The following FHDC1 variants were observed in gnomAD, a reference collection of about 807,000 sequenced individuals.
The protein encoded by FHDC1 is FH2 domain-containing protein 1.
Under a neutral mutation model 52.6 loss-of-function variants are expected in FHDC1, and 25 were observed. That is an observed-to-expected ratio of 0.48 (90% CI 0.35 to 0.66). FHDC1 has a LOEUF of 0.66. Among genes scored for constraint, FHDC1 ranks in the 30% least tolerant of loss-of-function variants. FHDC1 has a pLI of 0.01. For synonymous variants in FHDC1, 616 were observed against 581.5 expected, an observed-to-expected ratio of 1.06 and a Z score of -0.85; for missense variants, 1,459 against 1,452.8, an observed-to-expected ratio of 1.00 and a Z score of -0.07.
At chr4:152,923,809 G>C in the FHDC1 span, among the ~76,000 whole-genome samples, 10 of 152,032 alleles carry the variant, frequency 6.6e-5, no homozygotes, top group African/African-American at 2.4e-4. Flanking sequence ...GCCATATGTA[G>C]AAAGCTGAAA....
chr4:152,958,914 A>C (rs1162950372), intron 4 of FHDC1, among the ~76,000 whole-genome samples: 2 of 152,258 alleles, frequency 1.3e-5, no homozygotes, highest in South Asian at 2.1e-4. Flanking sequence ...TCCTAAAAGA[A>C]GAAAATAGTC....
At chr4:152,934,901 A>T (rs1579074827), upstream of FHDC1, among the ~76,000 whole-genome samples, 1 of 152,290 alleles carries the variant, frequency 6.6e-6, no homozygotes, top group African/African-American at 2.4e-5. Flanking sequence ...CTCCCCATTT[A>T]ACAAGGTCGA....
At chr4:152,963,738 G>A (rs184805141) in intron 8 of FHDC1, among the ~76,000 whole-genome samples, 57 of 142,932 alleles carry the variant, frequency 4.0e-4, no homozygotes, top group African/African-American at 1.5e-3. Flanking sequence ...TGCTAGCACA[G>A]GGTTTGGAGT....
chr4:152,922,277 G>A, the FHDC1 span, among the ~76,000 whole-genome samples: 6 of 152,064 alleles, frequency 3.9e-5, no homozygotes, highest in African/African-American at 7.2e-5. Context: ...TAAATTCCTC[G>A]ACACATACAC....
chr4:152,968,169 A>C (rs1740523259), intron 10 of FHDC1, 72 bp downstream of exon 10: 1 of 1,059,238 alleles, frequency 9.4e-7, no homozygotes, highest in Non-Finnish European at 1.4e-6. Flanking sequence ...TTAAATTTGC[A>C]TGGGTGTATT....
At chr4:152,933,143 C>G (rs1176907456), upstream of FHDC1, among the ~76,000 whole-genome samples, 1 of 152,202 alleles carries the variant, frequency 6.6e-6, no homozygotes, top group Non-Finnish European at 1.5e-5. Flanking sequence ...GGTCACACTG[C>G]CCACTGCTCA....
At chr4:152,926,305 A>ACAC in the FHDC1 span, among the ~76,000 whole-genome samples, 15 of 113,054 alleles carry the variant, frequency 1.3e-4, no homozygotes, top group African/African-American at 3.1e-4. Flanking sequence ...CACACACACA[A>ACAC]ACAATACACA....
intron 6 of FHDC1, among the ~76,000 whole-genome samples, chr4:152,962,438 CAAAG>C (rs1740307553): frequency 6.6e-6 from 1 of 152,122 alleles, no homozygotes; most frequent in South Asian, 2.1e-4. Flanking sequence ...ACTGCATACT[CAAAG>C]AGTAGTGGAT....
chr4:152,942,169 G>GTTTC (rs1739591871), intron 1 of FHDC1, among the ~76,000 whole-genome samples: 1 of 152,164 alleles, frequency 6.6e-6, no homozygotes, highest in African/African-American at 2.4e-5. Context: ...GTAGGTGATG[G>GTTTC]TTTCCAAAGA....
chr4:152,969,211 T>G (rs1028377371), intron 10 of FHDC1, among the ~76,000 whole-genome samples: 1 of 152,190 alleles, frequency 6.6e-6, no homozygotes, highest in African/African-American at 2.4e-5. Flanking sequence ...CCCTTGGCAC[T>G]GGGGAGGAAC....
At chr4:152,940,793 T>C (rs1276518207) in intron 1 of FHDC1, among the ~76,000 whole-genome samples, 4 of 152,220 alleles carry the variant, frequency 2.6e-5, no homozygotes, top group Non-Finnish European at 4.4e-5. Context: ...TTAAAATATG[T>C]AAGGATAAAC....
Position 152,976,682 on chromosome 4 carries a change from C to A in FHDC1, c.3391C>A (p.Arg1131=). The change falls in exon 12 of 12, where the codon CGG becomes AGG. Residue 1131 remains arginine, a synonymous_variant. Coordinates refer to ENST00000511601, the MANE Select transcript of FHDC1 (RefSeq NM_001371116.1). ...CTCCCTCCGTCGGAAGGACTCCAGT[C>A]GGACCACGCTGGGGAGAATCCTCAA... ...RASLRRKDSS[R]TTLGRILNPL... 1 of 1,540,390 alleles carries A rather than the reference C, an allele frequency of 6.5e-7. No homozygotes were observed. Among genetic ancestry groups the A allele is most frequent in the East Asian group, 2.3e-5 (1 of 42,700 alleles).
intron 2 of FHDC1, among the ~76,000 whole-genome samples, chr4:152,953,039 C>T (rs1390050025): frequency 1.3e-5 from 2 of 151,938 alleles, no homozygotes; most frequent in East Asian, 1.9e-4. Context: ...GAGGCTGAGG[C>T]AGGAGAATCA....
In FHDC1 at chr4:152,976,226, G is replaced by A. The variant is rs778382027; in HGVS notation, c.2935G>A (p.Gly979Ser). The A allele has an allele frequency of 6.2e-7, 1 of 1,612,970 alleles. No individual in the cohort carries two copies. The highest frequency in any genetic ancestry group is 1.3e-5 in the African/African-American group (1 of 74,918). ...PGRDVPLQPRGSFKKPSAKPL... is the reference protein window; with the variant it reads ...PGRDVPLQPRSSFKKPSAKPL... ...GAGGGACGTTCCCCTGCAGCCCAGG[G>A]GTTCTTTCAAGAAGCCCAGTGCCAA... The change falls in exon 12 of 12, where the codon GGT becomes AGT. Residue 979 changes from glycine (G) to serine (S), a missense_variant. By Grantham distance (56) the Gly-to-Ser change is moderately conservative (BLOSUM62 0). Transcript: ENST00000511601.
At chr4:152,967,196 T>G (rs535269002) in intron 9 of FHDC1, among the ~76,000 whole-genome samples, 157 of 152,146 alleles carry the variant, frequency 1.0e-3, no homozygotes, top group Non-Finnish European at 1.9e-3. Flanking sequence ...GAGGCTGAGG[T>G]GGGCAGATCA....
intron 11 of FHDC1, among the ~76,000 whole-genome samples, chr4:152,972,983 C>T (rs561570733): frequency 6.6e-6 from 1 of 152,178 alleles, no homozygotes; most frequent in Non-Finnish European, 1.5e-5. Flanking sequence ...TTCTTCCAAG[C>T]TCTGCTGCCG....
chr4:152,957,809 G>T (rs2149949218), intron 4 of FHDC1, among the ~76,000 whole-genome samples: 1 of 152,256 alleles, frequency 6.6e-6, no homozygotes, highest in African/African-American at 2.4e-5. Context: ...TGGCATGTTT[G>T]TTCATCTTTC....
upstream of FHDC1, among the ~76,000 whole-genome samples, chr4:152,933,032 G>A (rs868083719): frequency 9.9e-5 from 15 of 152,232 alleles, no homozygotes; most frequent in Non-Finnish European, 1.9e-4. Context: ...TTCTTCTGCA[G>A]GGCCTGGTAC....
chr4:152,918,473 A>G, the FHDC1 span: 1 of 152,356 alleles, frequency 6.6e-6, no homozygotes, highest in East Asian at 1.9e-4. Context: ...GAGCCAGGTA[A>G]TTGTCTTATC....
Sources: gnomAD v4.1 joint callset for allele counts (sites outside exome capture counted in the v4.1 genomes callset) on GRCh38, gnomAD v4.1.1 for gene constraint, MANE v1.5 for transcripts, NCBI Gene and HGNC (gene_info 2026-07-23, HGNC 2026-07-21) for gene names.